The following FHDC1 variants were observed in gnomAD, a reference collection of about 807,000 sequenced individuals.
FHDC1 encodes the protein FH2 domain containing 1, also known as FH2 domain-containing protein 1.
A neutral mutation model predicts 52.6 loss-of-function variants in FHDC1; 25 were observed. The ratio of observed to expected loss-of-function variants is 0.48; its 90% confidence interval spans 0.35 to 0.66. FHDC1 has a LOEUF of 0.66. Ranked by LOEUF, FHDC1 falls within the 30% of genes least tolerant of loss-of-function variation. The pLI, the probability that FHDC1 is intolerant of heterozygous loss-of-function variation, is 0.01. For missense variants in FHDC1, 1,459 were observed against 1,452.8 expected (o/e 1.00, Z -0.07); for synonymous variants, 616 against 581.5 (o/e 1.06, Z -0.85).
At chr4:152,937,939 C>A (rs1739448020) in intron 1 of FHDC1, among the ~76,000 whole-genome samples, 1 of 152,126 alleles carries the variant, frequency 6.6e-6, no homozygotes, top group Non-Finnish European at 1.5e-5. Context: ...AAGGAGGCTG[C>A]GGACAGCTGT....
intron 11 of FHDC1, among the ~76,000 whole-genome samples, chr4:152,974,367 G>A (rs1740768492): frequency 6.9e-6 from 1 of 145,614 alleles, no homozygotes; most frequent in East Asian, 2.0e-4. Flanking sequence ...TGGCTGGAAA[G>A]CTGGAAGTTG....
intron 9 of FHDC1, among the ~76,000 whole-genome samples, chr4:152,965,625 G>A (rs747486285): frequency 5.9e-5 from 9 of 152,206 alleles, no homozygotes; most frequent in Admixed American, 2.6e-4. Context: ...CACATCCCAC[G>A]GTAAATGTTC....
intron 10 of FHDC1, among the ~76,000 whole-genome samples, chr4:152,970,755 A>C (rs944589848): frequency 6.6e-5 from 10 of 152,178 alleles, no homozygotes; most frequent in African/African-American, 2.4e-4. Flanking sequence ...TTTCCTACAT[A>C]GTTTTCGTTT....
At chr4:152,917,396 T>A in the FHDC1 span, among the ~76,000 whole-genome samples, 1 of 152,334 alleles carries the variant, frequency 6.6e-6, no homozygotes, top group East Asian at 1.9e-4. Context: ...TTTTGTGAGA[T>A]GGCCACGTTT....
At chr4:152,912,114 T>G in the FHDC1 span, 1 of 152,232 alleles carries the variant, frequency 6.6e-6, no homozygotes, top group Non-Finnish European at 1.5e-5. Context: ...TAACAGTTAC[T>G]GTAGCTAAGG....
chr4:152,975,208 CCAGGG>C lies in FHDC1; in HGVS notation c.1919_1923del (p.Gln640ArgfsTer10). On this transcript the variant is annotated frameshift_variant, in exon 12 of 12. Coordinates refer to ENST00000511601, the MANE Select transcript of FHDC1 (RefSeq NM_001371116.1). LOFTEE classifies it low-confidence loss of function (END_TRUNC). ...CCTCTGCCTTCCCCAGAGCTCGGCG[CCAGGG>C]CGTCAGTGTCCTCCGAAAGAGGTAC... is the stretch of plus-strand genomic sequence containing the variant. 1 of 1,613,302 alleles carries C rather than the reference CCAGGG, an allele frequency of 6.2e-7. No individual in the cohort carries two copies. The highest frequency in any genetic ancestry group is 8.5e-7 in the Non-Finnish European group (1 of 1,180,034).
the FHDC1 span, among the ~76,000 whole-genome samples, chr4:152,913,170 A>G: frequency 6.6e-6 from 1 of 152,208 alleles, no homozygotes; most frequent in Admixed American, 6.5e-5. Flanking sequence ...AAAAGTGTCA[A>G]GTTTCTTCTA....
intron 2 of FHDC1, among the ~76,000 whole-genome samples, chr4:152,947,945 T>A (rs954241231): frequency 1.3e-5 from 2 of 152,234 alleles, no homozygotes; most frequent in Non-Finnish European, 2.9e-5. Flanking sequence ...TTTGTTATGA[T>A]GCCGGTATGT....
At chr4:152,974,562 C>A in intron 11 of FHDC1, 113 bp from the exon 12 acceptor site, 1 of 1,453,690 alleles carries the variant, frequency 6.9e-7, no homozygotes, top group East Asian at 2.3e-5. Context: ...AGACATGACC[C>A]TGAGCTCCCC....
At chr4:152,935,846 T>C (rs6825570), upstream of FHDC1, among the ~76,000 whole-genome samples, 1,977 of 151,554 alleles carry the variant, frequency 0.013, 40 homozygotes, top group African/African-American at 0.042. Context: ...TGTGTGTGTG[T>C]GCGCGCGTGT....
At chr4:152,940,172 T>A (rs1306748632) in intron 1 of FHDC1, among the ~76,000 whole-genome samples, 1 of 152,206 alleles carries the variant, frequency 6.6e-6, no homozygotes. Flanking sequence ...ACATTGGACA[T>A]CCTGGCCCAG....
In FHDC1 at chr4:152,972,376, G is replaced by T. The variant is rs772037039; in HGVS notation, c.1219-1G>T. The stretch of plus-strand genomic sequence containing the variant: ...GTGTGTGTTCGTTTGTTTTTCCGCA[G>T]TTTGCCATAGAAAAGCTGAGGGAAC... On this transcript the variant is annotated splice_acceptor_variant, in intron 10 of 11. Coordinates refer to ENST00000511601, the MANE Select transcript of FHDC1 (RefSeq NM_001371116.1). LOFTEE classifies it high-confidence loss of function. 1 of 1,594,838 alleles carries T rather than the reference G, an allele frequency of 6.3e-7. No homozygotes were observed. Among genetic ancestry groups the T allele is most frequent in the South Asian group, 1.1e-5 (1 of 86,958 alleles).
the FHDC1 span, among the ~76,000 whole-genome samples, chr4:152,925,428 G>A: frequency 6.6e-6 from 1 of 151,860 alleles, no homozygotes; most frequent in Non-Finnish European, 1.5e-5. Flanking sequence ...CCCTAAATTT[G>A]TACATTAAAG....
chr4:152,943,133 A>G lies in FHDC1; in HGVS notation c.76A>G (p.Ile26Val), dbSNP rs769699438. 6.2e-7 allele frequency: 1 copy of G among 1,613,942 alleles called. No homozygotes were observed. The highest frequency in any genetic ancestry group is 1.7e-5 in the Admixed American group (1 of 59,984). The change falls in exon 2 of 12, where the codon ATT becomes GTT. Residue 26 changes from isoleucine to valine, a missense_variant. This residue lies in a region of FHDC1 where 513 missense variants were observed against 581.5 expected (regional missense o/e 0.88). Transcript: ENST00000511601. Reference protein sequence around the residue: ...GNIATAPGFMIGQTPPPAPPP... With the variant: ...GNIATAPGFMVGQTPPPAPPP... ...TATTGCCACAGCACCTGGATTCATGATTGGGCAGACACCTCCTCCAGCACC... is the reference window on the plus strand; with the variant it reads ...TATTGCCACAGCACCTGGATTCATGGTTGGGCAGACACCTCCTCCAGCACC...
intron 8 of FHDC1, among the ~76,000 whole-genome samples, chr4:152,964,598 G>T (rs1740403529): frequency 6.6e-6 from 1 of 152,214 alleles, no homozygotes. Context: ...CACAGGTATG[G>T]GTGGTATTTA....
intron 1 of FHDC1, among the ~76,000 whole-genome samples, chr4:152,937,406 C>G (rs1739416966): frequency 1.3e-5 from 2 of 152,124 alleles, no homozygotes; most frequent in African/African-American, 4.8e-5. Context: ...CGTGCTAAAC[C>G]CCCGCAGAGG....
chr4:152,953,353 G>A, intron 2 of FHDC1, 146 bp from the exon 3 acceptor site: 3 of 627,312 alleles, frequency 4.8e-6, no homozygotes, highest in Non-Finnish European at 8.3e-6. Context: ...ACTATGTTAG[G>A]AATATCTGTT....
Position 152,976,968 on chromosome 4 carries a change from C to T in FHDC1, c.*245C>T, listed in dbSNP as rs182641982. On this transcript the variant is annotated 3_prime_UTR_variant, in exon 12 of 12. Coordinates refer to ENST00000511601, the MANE Select transcript of FHDC1 (RefSeq NM_001371116.1). ...ACTACTGTGACGGCCGCACCTCCCC[C>T]ATGCACCCCACCCTCCCCCAAAGCC... 3.3e-4 allele frequency: 116 copies of T among 347,574 alleles called. 1 individual carries two copies. The highest frequency in any genetic ancestry group is 2.5e-3 in the African/African-American group (102 of 40,668). The allele number at this position is 347,574 out of a possible 1,614,324, so 21.5% of individuals were successfully genotyped here. A position where few individuals can be genotyped will look rare whatever the true frequency, so the allele number is the denominator to read the frequency against.
Position 152,976,234 on chromosome 4 carries a change from CAAG to C in FHDC1, c.2947_2949del (p.Lys983del). ...TTCCCCTGCAGCCCAGGGGTTCTTT[CAAG>C]AAGCCCAGTGCCAAACCACTCAGGA... On this transcript the variant is annotated inframe_deletion, in exon 12 of 12. Transcript: ENST00000511601. 1 of 1,613,180 alleles carries C rather than the reference CAAG, an allele frequency of 6.2e-7. No homozygotes were observed.
Sources: allele counts gnomAD v4.1 joint callset (sites outside exome capture counted in the v4.1 genomes callset), GRCh38; gene constraint gnomAD v4.1.1; regional missense constraint gnomAD v4.1.1; transcripts MANE v1.5; gene names NCBI Gene and HGNC (gene_info 2026-07-23, HGNC 2026-07-21).